Variants in RIMS2 observed in about 807,000 individuals in gnomAD.
RIMS2 encodes the protein regulating synaptic membrane exocytosis protein 2.
RIMS2 carries 59 observed loss-of-function variants against 174.4 expected under a neutral mutation model. The ratio of observed to expected loss-of-function variants is 0.34; its 90% CI spans 0.27 to 0.42. RIMS2 has a LOEUF of 0.42. Ranked by LOEUF, RIMS2 falls within the 10% of genes least tolerant of loss-of-function variation. The probability of loss-of-function intolerance (pLI) is 1.00; values close to 1 mark genes in which losing one functional copy is unlikely to be tolerated. For missense variants in RIMS2, 1,620 were observed against 1,666.3 expected, an observed-to-expected ratio of 0.97 and a Z score of 0.48; for synonymous variants, 606 against 572.5, an observed-to-expected ratio of 1.06 and a Z score of -0.84.
intron 9 of RIMS2, 33 bp downstream of exon 12, chr8:103,918,520 T>C (rs748551732): frequency 1.4e-6 from 2 of 1,453,692 alleles, no homozygotes; most frequent in South Asian, 1.1e-5. Flanking sequence ...GAAAACGTTA[T>C]TTATAATTGC....
chr8:103,840,463 A>T (rs369656830), intron 3 of RIMS2, among the ~76,000 whole-genome samples: 2 of 149,074 alleles, frequency 1.3e-5, no homozygotes, highest in East Asian at 4.2e-4. Flanking sequence ...CTGCTGTATA[A>T]TATTTTAGAG....
At chr8:103,616,837 T>C (rs2095516258) in intron 1 of RIMS2, among the ~76,000 whole-genome samples, 1 of 151,906 alleles carries the variant, frequency 6.6e-6, no homozygotes, top group Admixed American at 6.6e-5. Context: ...ATCTCTACAA[T>C]GAGAATTACA....
chr8:104,050,583 A>T (rs1444731449), intron 19 of RIMS2, among the ~76,000 whole-genome samples: 2 of 152,190 alleles, frequency 1.3e-5, no homozygotes, highest in African/African-American at 4.8e-5. Flanking sequence ...AACTAAGGGA[A>T]TTAAAGTTTA....
intron 3 of RIMS2, among the ~76,000 whole-genome samples, chr8:103,839,081 T>C (rs2098923527): frequency 6.6e-6 from 1 of 152,108 alleles, no homozygotes; most frequent in South Asian, 2.1e-4. Flanking sequence ...AAAGGCCTAT[T>C]AATCTGCTGA....
intron 15 of RIMS2, among the ~76,000 whole-genome samples, chr8:103,962,043 T>C (rs1487453829): frequency 6.6e-6 from 1 of 152,130 alleles, no homozygotes; most frequent in Non-Finnish European, 1.5e-5. Flanking sequence ...ATTGCTTTCT[T>C]GGAGATCATT....
At chr8:103,994,760 A>C (rs1450801837) in intron 17 of RIMS2, among the ~76,000 whole-genome samples, 5 of 152,156 alleles carry the variant, frequency 3.3e-5, no homozygotes, top group Non-Finnish European at 7.4e-5. Flanking sequence ...GGTCATGACC[A>C]GATAAGGTTA....
chr8:103,623,072 G>A (rs1329417224), intron 1 of RIMS2, among the ~76,000 whole-genome samples: 1 of 152,126 alleles, frequency 6.6e-6, no homozygotes, highest in Non-Finnish European at 1.5e-5. Flanking sequence ...AGAAAATGCA[G>A]GTGATGGCAA....
intron 19 of RIMS2, among the ~76,000 whole-genome samples, chr8:104,091,715 C>T (rs1027234544): frequency 6.6e-6 from 1 of 150,964 alleles, no homozygotes; most frequent in East Asian, 1.9e-4. Context: ...AAATGCTATT[C>T]TAGGCAATGG....
intron 1 of RIMS2, among the ~76,000 whole-genome samples, chr8:103,624,140 G>A (rs2095715949): frequency 6.6e-6 from 1 of 152,158 alleles, no homozygotes. Context: ...TGGCCAAGGG[G>A]GGCCCAGATT....
At chr8:103,502,615 G>A (rs1013059491) in intron 1 of RIMS2, among the ~76,000 whole-genome samples, 10 of 152,010 alleles carry the variant, frequency 6.6e-5, no homozygotes, top group African/African-American at 2.4e-4. Flanking sequence ...AGCTTTTTGA[G>A]CATACTTCTT....
At chr8:104,043,925 T>C (rs1316734371) in intron 19 of RIMS2, among the ~76,000 whole-genome samples, 1 of 151,574 alleles carries the variant, frequency 6.6e-6, no homozygotes, top group Non-Finnish European at 1.5e-5. Context: ...GGAAGAATAA[T>C]GCTATGAACA....
intron 19 of RIMS2, among the ~76,000 whole-genome samples, chr8:104,144,933 TGTC>T (rs2098620493): frequency 6.6e-6 from 1 of 152,146 alleles, no homozygotes; most frequent in Non-Finnish European, 1.5e-5. Flanking sequence ...TTGATACATA[TGTC>T]GTCCAAAGCT....
chr8:103,798,271 A>C, intron 3 of RIMS2, among the ~76,000 whole-genome samples: 1 of 152,198 alleles, frequency 6.6e-6, no homozygotes, highest in East Asian at 1.9e-4. Context: ...AGAAATATAT[A>C]AAAGTAGTCA....
chr8:103,811,726 G>A (rs550399793), intron 3 of RIMS2, among the ~76,000 whole-genome samples: 2 of 152,342 alleles, frequency 1.3e-5, no homozygotes, highest in Admixed American at 6.5e-5. Flanking sequence ...GATTACAGGC[G>A]TGGGCCACCA....
intron 19 of RIMS2, among the ~76,000 whole-genome samples, chr8:104,173,920 GATTTATTTATTTATTTATTT>G (rs71297263): frequency 7.2e-6 from 1 of 138,966 alleles, no homozygotes; most frequent in Non-Finnish European, 1.5e-5. Context: ...AATGTTAAAG[GATTTATTTATTTATTTATTT>G]ATTTATTTAT....
intron 14 of RIMS2, among the ~76,000 whole-genome samples, chr8:103,958,646 A>G (rs1047947765): frequency 5.0e-4 from 76 of 152,208 alleles, no homozygotes; most frequent in African/African-American, 1.8e-3. Context: ...CACCATGTAC[A>G]AAAAACTAAA....
chr8:103,757,516 C>A (rs2098038511), intron 2 of RIMS2, among the ~76,000 whole-genome samples: 1 of 152,074 alleles, frequency 6.6e-6, no homozygotes, highest in Admixed American at 6.6e-5. Context: ...CGTATGCATT[C>A]ATTTCCACTT....
intron 4 of RIMS2, among the ~76,000 whole-genome samples, chr8:103,908,912 T>C (rs1282312867): frequency 6.6e-6 from 1 of 152,224 alleles, no homozygotes; most frequent in Non-Finnish European, 1.5e-5. Flanking sequence ...TAGAAAGACC[T>C]ACCTAAGTTG....
chr8:103,788,517 G>C (rs1361168829), intron 3 of RIMS2, among the ~76,000 whole-genome samples: 21 of 150,670 alleles, frequency 1.4e-4, no homozygotes, highest in Admixed American at 9.9e-4. Context: ...CAGGTCTGTT[G>C]GAATACCCTG....
Sources: allele counts gnomAD v4.1 joint callset (sites outside exome capture counted in the v4.1 genomes callset), GRCh38; gene constraint gnomAD v4.1.1; transcripts MANE v1.5; gene names NCBI Gene and HGNC (gene_info 2026-07-23, HGNC 2026-07-21).